Variants in ARHGAP6 observed in about 807,000 individuals in gnomAD.
The protein encoded by ARHGAP6 is Rho GTPase activating protein 6.
In ARHGAP6, 16 loss-of-function variants were observed where a neutral mutation model predicts 55.7. The ratio of observed to expected loss-of-function variants is 0.29; its 90% CI spans 0.19 to 0.44. The LOEUF (loss-of-function observed/expected upper bound fraction) is 0.44. ARHGAP6 is among the 20% of genes least tolerant of loss of function. The pLI is 1.00. For missense variants in ARHGAP6, 698 were observed against 808.9 expected, an observed-to-expected ratio of 0.86 and a Z score of 1.66; for synonymous variants, 382 against 360.9, an observed-to-expected ratio of 1.06 and a Z score of -0.66.
chrX:11,608,409 G>GA (rs1204924072), intron 1 of ARHGAP6, among the ~76,000 whole-genome samples: 1 of 111,378 alleles, frequency 9.0e-6, no homozygotes, highest in Non-Finnish European at 1.9e-5. Flanking sequence ...TCTGACAACC[G>GA]AAAAATCTGT....
chrX:11,617,239 C>T (rs2052176697), intron 1 of ARHGAP6, among the ~76,000 whole-genome samples: 1 of 112,044 alleles, frequency 8.9e-6, no homozygotes, highest in Admixed American at 9.5e-5. Flanking sequence ...ATATAATTAA[C>T]ATGAATTTCA....
chrX:11,495,512 C>T (rs888394214), intron 1 of ARHGAP6, among the ~76,000 whole-genome samples: 8 of 111,918 alleles, frequency 7.1e-5, no homozygotes, highest in African/African-American at 2.3e-4. Flanking sequence ...AAGGCTGTAG[C>T]CTATCTACAT....
intron 2 of ARHGAP6, among the ~76,000 whole-genome samples, chrX:11,254,068 A>G (rs1817786067): frequency 8.9e-6 from 1 of 111,822 alleles, no homozygotes; most frequent in Admixed American, 9.5e-5. Flanking sequence ...AGTGCAACAT[A>G]CAACACACCA....
At chrX:11,323,858 C>T (rs1252453971) in intron 1 of ARHGAP6, among the ~76,000 whole-genome samples, 8 of 97,934 alleles carry the variant, frequency 8.2e-5, no homozygotes, top group African/African-American at 3.0e-4. Context: ...GAGTGAAAAC[C>T]CCCATTTCAA....
chrX:11,479,866 T>A, intron 1 of ARHGAP6, among the ~76,000 whole-genome samples: 1 of 111,391 alleles, frequency 9.0e-6, no homozygotes, highest in Non-Finnish European at 1.9e-5. Flanking sequence ...TATGTACCAG[T>A]CTGCCTTTAC....
At chrX:11,645,201 T>C (rs768636953) in intron 1 of ARHGAP6, among the ~76,000 whole-genome samples, 19 of 111,634 alleles carry the variant, frequency 1.7e-4, no homozygotes, top group African/African-American at 5.5e-4. Flanking sequence ...GATAAAGCAA[T>C]CATTCAAGAC....
chrX:11,407,047 T>A (rs1317659910), intron 1 of ARHGAP6, among the ~76,000 whole-genome samples: 1 of 111,569 alleles, frequency 9.0e-6, no homozygotes, highest in African/African-American at 3.3e-5. Flanking sequence ...TAAATGGTTT[T>A]CAGTATATTC....
rs776649151 is a variant in ARHGAP6 at position 11,232,974 on chromosome X, G to A, written c.748+21574C>T. On this transcript the variant is annotated intron_variant, in intron 2 of 12. Coordinates refer to ENST00000337414, the MANE Select transcript of ARHGAP6 (RefSeq NM_013427.3). The stretch of plus-strand genomic sequence containing the variant: ...TGGTATGTTCCCAGCCATACAGGAG[G>A]TGCACAATACACACGTACTAAATAA... 3.6e-5 allele frequency among the ~76,000 whole-genome samples: 4 copies of A among 112,239 alleles called. No individual in the cohort carries two copies. The South Asian group carries it at 1.5e-3, about 42-fold the overall frequency.
At chrX:11,575,270 C>G (rs941833105) in intron 1 of ARHGAP6, among the ~76,000 whole-genome samples, 1 of 111,850 alleles carries the variant, frequency 8.9e-6, no homozygotes, top group Non-Finnish European at 1.9e-5. Flanking sequence ...CCTTGAATCC[C>G]CACATGGTAG....
rs748238688 is a variant in ARHGAP6, at chrX:11,425,556, T to C, written c.589-170849A>G. ...ATTCCAACCTGGAATCCCAACAAAT[T>C]CCCTCTGGAATCTTCCTTTTTATAG... On this transcript the variant is annotated intron_variant, in intron 1 of 12. Coordinates refer to ENST00000337414, the MANE Select transcript of ARHGAP6 (RefSeq NM_013427.3). Among the ~76,000 whole-genome samples, 59 of 111,414 alleles carry C rather than the reference T, an allele frequency of 5.3e-4. No homozygotes were observed. The South Asian group carries it at 0.021, about 40-fold the overall frequency.
intron 2 of ARHGAP6, among the ~76,000 whole-genome samples, chrX:11,224,668 G>T (rs753645887): frequency 1.8e-5 from 2 of 110,326 alleles, no homozygotes; most frequent in Non-Finnish European, 3.8e-5. Flanking sequence ...GTGGAGGGGG[G>T]GCGGTTATGA....
chrX:11,305,795 C>T (rs1321999090), intron 1 of ARHGAP6, among the ~76,000 whole-genome samples: 1 of 111,789 alleles, frequency 8.9e-6, no homozygotes, highest in Admixed American at 9.5e-5. Flanking sequence ...AGAACCACCA[C>T]TCTCCAAAAG....
At chrX:11,530,180 G>A (rs60388609) in intron 1 of ARHGAP6, among the ~76,000 whole-genome samples, 9,472 of 110,592 alleles carry the variant, frequency 0.086, 456 homozygotes, top group East Asian at 0.18. Context: ...CCATTCATTC[G>A]TCATTCACAC....
chrX:11,377,333 A>C lies in ARHGAP6; in HGVS notation c.589-122626T>G, dbSNP rs1015572944. ...CCACATCTTGTATGATTTCATTCCT[A>C]TGAAATGCCTAGAATAGGCAAATCT... On this transcript the variant is annotated intron_variant, in intron 1 of 12. Transcript: ENST00000337414. 2.7e-5 allele frequency among the ~76,000 whole-genome samples: 3 copies of C among 112,700 alleles called. No individual in the cohort carries two copies. In the Admixed American group the frequency reaches 2.8e-4, roughly 11 times the overall value.
At chrX:11,264,028 T>C (rs1016626733) in intron 1 of ARHGAP6, among the ~76,000 whole-genome samples, 1 of 111,441 alleles carries the variant, frequency 9.0e-6, no homozygotes, top group African/African-American at 3.3e-5. Flanking sequence ...AGTTGAGTTG[T>C]TGCAACAGAG....
intron 1 of ARHGAP6, among the ~76,000 whole-genome samples, chrX:11,481,594 G>A (rs2147838151): frequency 8.9e-6 from 1 of 112,666 alleles, no homozygotes; most frequent in Admixed American, 9.4e-5. Flanking sequence ...AAGAATGTGT[G>A]CCAAGTACAG....
At chrX:11,445,058 T>C (rs963876207) in intron 1 of ARHGAP6, among the ~76,000 whole-genome samples, 1 of 112,474 alleles carries the variant, frequency 8.9e-6, no homozygotes, top group South Asian at 3.7e-4. Flanking sequence ...AAAGCAAATA[T>C]GAAAGCCATT....
At chrX:11,350,006 G>T (rs1251311267) in intron 1 of ARHGAP6, among the ~76,000 whole-genome samples, 2 of 111,600 alleles carry the variant, frequency 1.8e-5, no homozygotes, top group Admixed American at 9.5e-5. Context: ...CTTACAAGGT[G>T]GTTGTGAGGG....
At chrX:11,563,845 T>C (rs2051413714) in intron 1 of ARHGAP6, among the ~76,000 whole-genome samples, 1 of 111,760 alleles carries the variant, frequency 8.9e-6, no homozygotes, top group African/African-American at 3.2e-5. Flanking sequence ...TAAGTTACTG[T>C]TGGTTAACTT....
Sources: gnomAD v4.1 joint callset for allele counts (sites outside exome capture counted in the v4.1 genomes callset) on GRCh38, gnomAD v4.1.1 for gene constraint, MANE v1.5 for transcripts, NCBI Gene and HGNC (gene_info 2026-07-23, HGNC 2026-07-21) for gene names.